Variants in HPSE2 observed in about 807,000 individuals in gnomAD.
HPSE2 encodes the protein heparanase 2 (inactive), also known as inactive heparanase-2.
A neutral mutation model predicts 60.5 loss-of-function variants in HPSE2; 38 were observed. The observed-to-expected ratio is 0.63, with a 90% CI of 0.48 to 0.82. The LOEUF is 0.82. Ranked by LOEUF, HPSE2 falls within the 40% of genes least tolerant of loss-of-function variation. The probability of loss-of-function intolerance (pLI) is 0.00; values close to 1 mark genes in which losing one functional copy is unlikely to be tolerated. For synonymous variants in HPSE2, 295 were observed against 293.2 expected (o/e 1.01, Z -0.06); for missense variants, 713 against 740.4 (o/e 0.96, Z 0.43).
At chr10:99,067,516 C>A (rs1228937535) in intron 3 of HPSE2, among the ~76,000 whole-genome samples, 2 of 152,236 alleles carry the variant, frequency 1.3e-5, no homozygotes, top group Non-Finnish European at 2.9e-5. Flanking sequence ...CTTCTCTGCA[C>A]CTGTGGGCCC....
chr10:98,806,369 C>A (rs1479281563), intron 3 of HPSE2, among the ~76,000 whole-genome samples: 1 of 152,146 alleles, frequency 6.6e-6, no homozygotes, highest in Non-Finnish European at 1.5e-5. Context: ...AGGCTTAGAG[C>A]CCCAGAATGC....
intron 3 of HPSE2, among the ~76,000 whole-genome samples, chr10:99,108,877 A>T (rs914154979): frequency 1.3e-5 from 2 of 152,126 alleles, no homozygotes; most frequent in Non-Finnish European, 2.9e-5. Context: ...TTCCTTCAAG[A>T]CTCAGGTAAG....
chr10:98,620,819 G>A (rs570649838), intron 7 of HPSE2, 111 bp from the exon 8 acceptor site: 5 of 808,488 alleles, frequency 6.2e-6, no homozygotes, highest in African/African-American at 1.7e-5. Flanking sequence ...TGTTTTCAGG[G>A]GGTCATGATT....
chr10:99,192,691 A>T (rs1848262373), intron 2 of HPSE2, among the ~76,000 whole-genome samples: 1 of 152,182 alleles, frequency 6.6e-6, no homozygotes, highest in Non-Finnish European at 1.5e-5. Flanking sequence ...CAGCTTCCCA[A>T]AGTGCTGGGA....
the HPSE2 span, among the ~76,000 whole-genome samples, chr10:99,281,689 C>T: frequency 6.6e-6 from 1 of 152,112 alleles, no homozygotes. Context: ...AATCCTGTGA[C>T]TCTACTGGAT....
intron 9 of HPSE2, among the ~76,000 whole-genome samples, chr10:98,551,946 T>C (rs1301769195): frequency 1.3e-5 from 2 of 152,128 alleles, no homozygotes; most frequent in Non-Finnish European, 2.9e-5. Context: ...GGAATCTTTA[T>C]CATTAATACA....
intron 3 of HPSE2, among the ~76,000 whole-genome samples, chr10:99,130,459 C>T (rs1289934113): frequency 1.3e-5 from 2 of 152,008 alleles, no homozygotes; most frequent in Admixed American, 1.3e-4. Context: ...ACCAGAGATG[C>T]AGAGATGGTT....
chr10:99,036,124 AGAACTGCTTG>A (rs1277981522), intron 3 of HPSE2, among the ~76,000 whole-genome samples: 2 of 152,168 alleles, frequency 1.3e-5, no homozygotes, highest in Non-Finnish European at 2.9e-5. Flanking sequence ...CTGAGGTGGA[AGAACTGCTTG>A]GGCCTAGGAG....
At chr10:99,288,820 G>A in the HPSE2 span, among the ~76,000 whole-genome samples, 1 of 151,192 alleles carries the variant, frequency 6.6e-6, no homozygotes, top group Non-Finnish European at 1.5e-5. Context: ...AAACATAATG[G>A]AGAATCTGGG....
At chr10:98,903,533 G>C (rs569871519) in intron 3 of HPSE2, among the ~76,000 whole-genome samples, 1 of 152,072 alleles carries the variant, frequency 6.6e-6, no homozygotes, top group Admixed American at 6.6e-5. Flanking sequence ...CTAAGATCAA[G>C]AAGCGGTCTC....
chr10:98,684,486 G>T (rs899028499), intron 6 of HPSE2, among the ~76,000 whole-genome samples: 2 of 152,164 alleles, frequency 1.3e-5, no homozygotes, highest in African/African-American at 4.8e-5. Context: ...TGTCATCATA[G>T]CATACCACAT....
At chr10:98,929,033 AAAAAT>A (rs1954570021) in intron 3 of HPSE2, among the ~76,000 whole-genome samples, 1 of 142,682 alleles carries the variant, frequency 7.0e-6, no homozygotes, top group South Asian at 2.1e-4. Context: ...TTTTAGTCTC[AAAAAT>A]AAAAGGAAAA....
At chr10:98,543,546 G>A (rs1228750460) in intron 9 of HPSE2, among the ~76,000 whole-genome samples, 1 of 152,166 alleles carries the variant, frequency 6.6e-6, no homozygotes, top group Non-Finnish European at 1.5e-5. Flanking sequence ...ACTGGAAAAA[G>A]AGTCAAGACC....
intron 3 of HPSE2, among the ~76,000 whole-genome samples, chr10:98,946,263 AGT>A (rs1024524921): frequency 6.6e-6 from 1 of 152,070 alleles, no homozygotes; most frequent in Admixed American, 6.6e-5. Flanking sequence ...TGAGGTCAGA[AGT>A]TCCAGACCAG....
chr10:99,286,097 A>T, the HPSE2 span, among the ~76,000 whole-genome samples: 2 of 152,222 alleles, frequency 1.3e-5, no homozygotes, highest in Non-Finnish European at 2.9e-5. Flanking sequence ...GATGTAGAGA[A>T]ATCAGAATCC....
intron 3 of HPSE2, among the ~76,000 whole-genome samples, chr10:98,948,170 CT>C (rs1452758993): frequency 6.6e-6 from 1 of 152,112 alleles, no homozygotes; most frequent in African/African-American, 2.4e-5. Context: ...AAATAAAAAG[CT>C]GTGAAAGCCA....
Position 98,704,021 on chromosome 10 carries a change from T to C in HPSE2, c.957-10074A>G, listed in dbSNP as rs573827881. Among the ~76,000 whole-genome samples, 8 of 152,216 alleles carry C rather than the reference T, an allele frequency of 5.3e-5. No individual in the cohort carries two copies. The South Asian group carries it at 1.7e-3, about 32-fold the overall frequency. On this transcript the variant is annotated intron_variant, in intron 5 of 11. Coordinates refer to ENST00000370552, the MANE Select transcript of HPSE2 (RefSeq NM_021828.5). Reference sequence around the variant, plus strand: ...ATGATTCTGTATTTAGAAAACCCCATCATCTCAGCCCAAAAACTCCTTAAG... The same window carrying C: ...ATGATTCTGTATTTAGAAAACCCCACCATCTCAGCCCAAAAACTCCTTAAG...
At chr10:98,960,740 A>ATTTTTTTTTATT (rs1955650760) in intron 3 of HPSE2, among the ~76,000 whole-genome samples, 1 of 95,916 alleles carries the variant, frequency 1.0e-5, no homozygotes, top group African/African-American at 5.0e-5. Flanking sequence ...TTTTTATTTT[A>ATTTTTTTTTATT]TTTTTTTTTT....
At chr10:99,245,514 T>C in the HPSE2 span, among the ~76,000 whole-genome samples, 1 of 152,256 alleles carries the variant, frequency 6.6e-6, no homozygotes, top group Non-Finnish European at 1.5e-5. Flanking sequence ...GGGAAAATTA[T>C]GCAAGTAAAT....
Sources: allele counts gnomAD v4.1 joint callset (sites outside exome capture counted in the v4.1 genomes callset), GRCh38; gene constraint gnomAD v4.1.1; transcripts MANE v1.5; gene names NCBI Gene and HGNC (gene_info 2026-07-23, HGNC 2026-07-21).